The following TDP1 variants were observed in gnomAD, a reference collection of about 807,000 sequenced individuals.
TDP1 encodes tyrosyl-DNA phosphodiesterase 1.
TDP1 carries 64 observed loss-of-function variants against 81.5 expected under a neutral mutation model. The ratio of observed to expected loss-of-function variants is 0.79; its 90% CI spans 0.64 to 0.97. The LOEUF (loss-of-function observed/expected upper bound fraction) is 0.97. TDP1 is among the 50% of genes least tolerant of loss of function. The pLI is 0.00. For synonymous variants in TDP1, 256 were observed against 264.3 expected (o/e 0.97, Z 0.30); for missense variants, 723 against 743.8 (o/e 0.97, Z 0.33).
chr14:89,991,494 A>G (rs1412207957), intron 12 of TDP1: 2 of 920,292 alleles, frequency 2.2e-6, no homozygotes, highest in East Asian at 2.3e-4. Context: ...TAGTCCTTAC[A>G]TTCCTGATGG....
intron 6 of TDP1, among the ~76,000 whole-genome samples, chr14:89,971,506 A>T (rs1893663759): frequency 6.6e-6 from 1 of 152,000 alleles, no homozygotes; most frequent in Non-Finnish European, 1.5e-5. Flanking sequence ...ACTAATTTCT[A>T]CTCATTGGTC....
intron 15 of TDP1, among the ~76,000 whole-genome samples, chr14:90,028,130 T>G (rs1317845276): frequency 6.6e-6 from 1 of 152,240 alleles, no homozygotes; most frequent in Admixed American, 6.5e-5. Flanking sequence ...AAGCTTTTCC[T>G]AAGCCCCTAG....
At chr14:90,032,471 A>G (rs771223688) in intron 15 of TDP1, among the ~76,000 whole-genome samples, 7 of 152,078 alleles carry the variant, frequency 4.6e-5, no homozygotes, top group Non-Finnish European at 1.0e-4. Flanking sequence ...GTCATGTGGT[A>G]AGCACCTGCA....
intron 14 of TDP1, among the ~76,000 whole-genome samples, chr14:90,005,614 A>G (rs549440666): frequency 3.3e-5 from 5 of 152,296 alleles, no homozygotes; most frequent in Admixed American, 2.0e-4. Flanking sequence ...AGTCCTTATT[A>G]TAAGTGAAGA....
chr14:90,019,015 GA>G (rs1885648830), intron 14 of TDP1: 1 of 984,128 alleles, frequency 1.0e-6, no homozygotes, highest in Non-Finnish European at 1.2e-6. Flanking sequence ...ATCGTGAAAA[GA>G]AAAGGGGCTT....
chr14:89,984,869 G>A lies in TDP1; in HGVS notation c.1052+186G>A, dbSNP rs558786682. 6.1e-6 allele frequency: 6 copies of A among 985,386 alleles called. No homozygotes were observed. In the South Asian group the frequency reaches 1.4e-4, roughly 23 times the overall value. 61.0% of individuals were successfully genotyped at this position (985,386 alleles called of 1,614,324 possible). ...GTGGTTCTCAGGCATTAAAGTGACAGCCAGTGAATCCTCATGTTTACCTTA... is the reference window on the plus strand; with the variant it reads ...GTGGTTCTCAGGCATTAAAGTGACAACCAGTGAATCCTCATGTTTACCTTA... On this transcript the variant is annotated intron_variant, in intron 9 of 16. Coordinates refer to ENST00000335725, the MANE Select transcript of TDP1 (RefSeq NM_018319.4).
At chr14:89,992,777 A>G (rs757077890) in intron 13 of TDP1, among the ~76,000 whole-genome samples, 2 of 152,190 alleles carry the variant, frequency 1.3e-5, no homozygotes, top group Non-Finnish European at 2.9e-5. Flanking sequence ...ATCTGGAGGG[A>G]CCATCCTCTT....
chr14:89,963,492 A>G lies in TDP1; in HGVS notation c.378A>G (p.Arg126=), dbSNP rs769787782. The G allele has an allele frequency of 1.6e-5, 26 of 1,604,792 alleles. No individual in the cohort carries two copies. The highest frequency in any genetic ancestry group is 2.1e-5 in the Non-Finnish European group (25 of 1,175,214). ...ISAPNDGTAQ[R]TENHGAPACH... ...CTCCCAATGACGGCACTGCCCAAAG[A>G]ACTGAAAATCATGGCGCTCCCGCCT... Residue 126 remains arginine, a synonymous_variant, in exon 3 of 17, where the codon AGA becomes AGG. Transcript: ENST00000335725.
chr14:90,032,824 T>C, intron 15 of TDP1: 1 of 985,114 alleles, frequency 1.0e-6, no homozygotes, highest in Non-Finnish European at 1.2e-6. Context: ...GGCTATCATA[T>C]CCAAAATTGT....
chr14:90,022,367 C>T (rs1051758351), intron 15 of TDP1, among the ~76,000 whole-genome samples: 5 of 152,222 alleles, frequency 3.3e-5, no homozygotes, highest in South Asian at 2.1e-4. Context: ...TTGGGAGCAA[C>T]GGGCCCAGGC....
In TDP1 at chr14:90,043,355, G is replaced by A. The variant is rs186289938; in HGVS notation, c.*212G>A. The A allele has an allele frequency of 2.2e-5, 14 of 627,658 alleles. No homozygotes were observed. The Admixed American group carries it at 3.8e-4, about 17-fold the overall frequency. 38.9% of individuals were successfully genotyped at this position (627,658 alleles called of 1,614,324 possible). ...TTAGTTTCTTAATTCACTTTTATAT[G>A]TTTTGGAAAGAAAATTAGTGAACTT... On this transcript the variant is annotated 3_prime_UTR_variant, in exon 17 of 17. Transcript: ENST00000335725.
At chr14:89,973,537 C>G (rs1464262229) in intron 6 of TDP1, among the ~76,000 whole-genome samples, 1 of 152,136 alleles carries the variant, frequency 6.6e-6, no homozygotes, top group Admixed American at 6.5e-5. Context: ...ACCTTTATAC[C>G]TTGTCTGTAA....
chr14:89,964,972 T>G (rs1892769835), intron 3 of TDP1: 2 of 364,776 alleles, frequency 5.5e-6, no homozygotes, highest in Non-Finnish European at 1.1e-5. Flanking sequence ...TCCATGCTGT[T>G]TGCTATAGCA....
At position 90,019,551 on chromosome 14, in the gene TDP1, T is replaced by C. The variant is rs1200150703; in HGVS notation, c.1644+133T>C. The C allele has an allele frequency of 1.9e-5, 13 of 696,490 alleles. No individual in the cohort carries two copies. In the East Asian group the frequency reaches 3.0e-4, roughly 16 times the overall value. The allele number at this position is 696,490 out of a possible 1,614,324, so 43.1% of individuals were successfully genotyped here. ...CGGGATTCTTACCCAGAGCCTGCAC[T>C]CTTAACCGCTGGTCTGTACCTCTGA... On this transcript the variant is annotated intron_variant, in intron 15 of 16. Transcript: ENST00000335725.
At chr14:90,039,500 A>G (rs1160368702) in intron 16 of TDP1, among the ~76,000 whole-genome samples, 1 of 152,164 alleles carries the variant, frequency 6.6e-6, no homozygotes, top group Non-Finnish European at 1.5e-5. Flanking sequence ...GAGGTCGTAC[A>G]TCAGGTTTCG....
intron 14 of TDP1, among the ~76,000 whole-genome samples, chr14:90,000,753 A>G (rs1196372963): frequency 6.6e-6 from 1 of 152,094 alleles, no homozygotes; most frequent in African/African-American, 2.4e-5. Context: ...TTAATTTTTT[A>G]CTGTTTCCAA....
rs2139967296 is a variant in TDP1, at chr14:89,965,858, CATT to C, written c.560-285_560-283del. 3.0e-6 allele frequency: 3 copies of C among 984,452 alleles called. No individual in the cohort carries two copies. The South Asian group carries it at 1.4e-4, about 46-fold the overall frequency. The allele number at this position is 984,452 out of a possible 1,614,324, so 61.0% of individuals were successfully genotyped here. The stretch of plus-strand genomic sequence containing the variant: ...TCAGAGATCTGAAAAGAATATGTAT[CATT>C]ATTGTCCATATTGAGTTTCTAAACT... On this transcript the variant is annotated intron_variant, in intron 3 of 16. Transcript: ENST00000335725.
Position 90,007,301 on chromosome 14 carries a change from C to T in TDP1, c.1542-12015C>T, listed in dbSNP as rs967926519. On this transcript the variant is annotated intron_variant, in intron 14 of 16. Transcript: ENST00000335725. ...TTAACTGAATTTAAAATTCTTTGGCCGGACGCGGTGGCTCACACTGCCCAT... is the reference window on the plus strand; with the variant it reads ...TTAACTGAATTTAAAATTCTTTGGCTGGACGCGGTGGCTCACACTGCCCAT... 1.0e-3 allele frequency among the ~76,000 whole-genome samples: 157 copies of T among 151,960 alleles called. 1 individual carries two copies. Among genetic ancestry groups the T allele is most frequent in the African/African-American group, 3.4e-3 (140 of 41,360 alleles).
chr14:89,963,695 A>G (rs1447415756), intron 3 of TDP1, 22 bp downstream of exon 3: 3 of 1,613,770 alleles, frequency 1.9e-6, no homozygotes, highest in Non-Finnish European at 2.5e-6. Context: ...CTGGGTGTCA[A>G]GGAGCTGTTG....
Sources: allele counts gnomAD v4.1 joint callset (sites outside exome capture counted in the v4.1 genomes callset), GRCh38; gene constraint gnomAD v4.1.1; transcripts MANE v1.5; gene names NCBI Gene and HGNC (gene_info 2026-07-23, HGNC 2026-07-21).